Variants in STAP1 observed in about 807,000 individuals in gnomAD.
STAP1 encodes the protein signal transducing adaptor family member 1, also known as signal-transducing adaptor protein 1.
In STAP1, 30 loss-of-function variants were observed where a neutral mutation model predicts 37.8. The observed-to-expected ratio is 0.79, with a 90% CI of 0.59 to 1.08. STAP1 has a LOEUF of 1.08. STAP1 is among the 50% of genes least tolerant of loss of function. The pLI, the probability that STAP1 is intolerant of heterozygous loss-of-function variation, is 0.00. For missense variants in STAP1, 357 were observed against 349.4 expected (o/e 1.02, Z -0.17); for synonymous variants, 130 against 116.0 (o/e 1.12, Z -0.78).
At chr4:67,606,198 C>T (rs1188671309) in intron 8 of STAP1, 98 bp from the exon 9 acceptor site, 6 of 906,370 alleles carry the variant, frequency 6.6e-6, no homozygotes, top group East Asian at 2.6e-5. Context: ...CAGCAATGTT[C>T]CACACACGAG....
At position 67,587,386 on chromosome 4, in the gene STAP1, T is replaced by C. The variant is rs189225774; in HGVS notation, c.660-3498T>C. Among the ~76,000 whole-genome samples, 3 of 152,322 alleles carry C rather than the reference T, an allele frequency of 2.0e-5. No individual in the cohort carries two copies. The East Asian group carries it at 5.8e-4, about 29-fold the overall frequency. On this transcript the variant is annotated intron_variant, in intron 6 of 8. Coordinates refer to ENST00000265404, the MANE Select transcript of STAP1 (RefSeq NM_012108.4). ...ACAGAGCAGCTGTGGGAGGGAATAC[T>C]TGTTCTCAGGAATAAACAAAAGCCA...
intron 1 of STAP1, among the ~76,000 whole-genome samples, chr4:67,560,650 GTC>G (rs1491148838): frequency 0.012 from 1,869 of 150,820 alleles, 21 homozygotes; most frequent in African/African-American, 0.022. Context: ...GTGGGTGTGT[GTC>G]TGTGTGTGTG....
intron 6 of STAP1, among the ~76,000 whole-genome samples, chr4:67,587,242 G>A (rs915069788): frequency 6.6e-6 from 1 of 152,166 alleles, no homozygotes; most frequent in Non-Finnish European, 1.5e-5. Flanking sequence ...TCTCTTATAG[G>A]TTATGGGAGA....
chr4:67,569,604 CTTTAT>C (rs1560456956), intron 1 of STAP1, among the ~76,000 whole-genome samples: 1 of 151,568 alleles, frequency 6.6e-6, no homozygotes, highest in Non-Finnish European at 1.5e-5. Context: ...TTTTAAAATT[CTTTAT>C]TTTATTTTTT....
intron 2 of STAP1, among the ~76,000 whole-genome samples, chr4:67,573,711 C>T (rs899607093): frequency 6.6e-6 from 1 of 151,994 alleles, no homozygotes; most frequent in Non-Finnish European, 1.5e-5. Flanking sequence ...TAGGCCAACT[C>T]GAACTTTCTC....
In STAP1 at chr4:67,606,370, A is replaced by G; in HGVS notation, c.*13A>G. 1.2e-6 allele frequency: 2 copies of G among 1,603,868 alleles called. No homozygotes were observed. The highest frequency in any genetic ancestry group is 1.7e-6 in the Non-Finnish European group (2 of 1,175,004). ...ACACATTGCATGAAATACAATGTGA[A>G]AGCTCCTTTGTATATCTTGGTAATT... On this transcript the variant is annotated 3_prime_UTR_variant, in exon 9 of 9. Coordinates refer to ENST00000265404, the MANE Select transcript of STAP1 (RefSeq NM_012108.4).
At chr4:67,597,500 C>T (rs944588726) in intron 8 of STAP1, among the ~76,000 whole-genome samples, 2 of 152,278 alleles carry the variant, frequency 1.3e-5, no homozygotes, top group East Asian at 1.9e-4. Context: ...TCCTCCAGAA[C>T]CCAGAATGGT....
intron 8 of STAP1, among the ~76,000 whole-genome samples, chr4:67,597,343 G>A (rs1243330420): frequency 6.6e-6 from 1 of 152,234 alleles, no homozygotes; most frequent in East Asian, 1.9e-4. Context: ...GAAAATGCCT[G>A]GATGTCCAGC....
chr4:67,580,570 C>T (rs1200815149), intron 4 of STAP1, among the ~76,000 whole-genome samples: 1 of 152,144 alleles, frequency 6.6e-6, no homozygotes, highest in Non-Finnish European at 1.5e-5. Context: ...AAGGCTGCCT[C>T]CAAATAAAGA....
Position 67,596,710 on chromosome 4 carries a change from G to T in STAP1, c.826+3354G>T, listed in dbSNP as rs368512552. 6.6e-5 allele frequency among the ~76,000 whole-genome samples: 10 copies of T among 152,330 alleles called. No individual in the cohort carries two copies. The East Asian group carries it at 1.5e-3, about 24-fold the overall frequency. ...TTGTGGCATTTTGCCCCATCCTAGA[G>T]ATCTGTGGAATTTTGAACGTGAGAG... On this transcript the variant is annotated intron_variant, in intron 8 of 8. Coordinates refer to ENST00000265404, the MANE Select transcript of STAP1 (RefSeq NM_012108.4).
chr4:67,606,221 C>G (rs1190171812), intron 8 of STAP1, 75 bp from the exon 9 acceptor site: 38 of 1,240,956 alleles, frequency 3.1e-5, no homozygotes, highest in Non-Finnish European at 4.1e-5. Flanking sequence ...GGAAAATCAA[C>G]TCACTGAAAA....
chr4:67,587,449 T>C lies in STAP1; in HGVS notation c.660-3435T>C, dbSNP rs565174670. ...TTACCAGATGACTCTTGTCTCAATG[T>C]AGACTATCATCCACCTTTACCTAGC... On this transcript the variant is annotated intron_variant, in intron 6 of 8. Coordinates refer to ENST00000265404, the MANE Select transcript of STAP1 (RefSeq NM_012108.4). Among the ~76,000 whole-genome samples, 7 of 152,352 alleles carry C rather than the reference T, an allele frequency of 4.6e-5. No individual in the cohort carries two copies. In the South Asian group the frequency reaches 1.4e-3, roughly 32 times the overall value.
intron 8 of STAP1, among the ~76,000 whole-genome samples, chr4:67,596,531 T>C (rs1728226827): frequency 6.6e-6 from 1 of 152,120 alleles, no homozygotes; most frequent in Admixed American, 6.5e-5. Flanking sequence ...TGTGGGAAAG[T>C]TTGGAACTTT....
intron 6 of STAP1, among the ~76,000 whole-genome samples, chr4:67,587,794 C>T (rs1245368545): frequency 6.7e-6 from 1 of 148,728 alleles, no homozygotes; most frequent in Non-Finnish European, 1.5e-5. Flanking sequence ...GATCTCAGCT[C>T]ACCACAACTT....
chr4:67,592,428 C>T (rs1350469426), intron 7 of STAP1, among the ~76,000 whole-genome samples: 1 of 152,120 alleles, frequency 6.6e-6, no homozygotes, highest in Non-Finnish European at 1.5e-5. Flanking sequence ...CAATAAAATA[C>T]TAAAATGCTT....
intron 3 of STAP1, among the ~76,000 whole-genome samples, chr4:67,576,254 C>T (rs1727717959): frequency 6.6e-6 from 1 of 152,146 alleles, no homozygotes; most frequent in Admixed American, 6.5e-5. Flanking sequence ...ATCTCTCTTA[C>T]CCTGCTGTAC....
chr4:67,580,816 G>T (rs1578028372), intron 4 of STAP1, among the ~76,000 whole-genome samples: 2 of 152,152 alleles, frequency 1.3e-5, no homozygotes, highest in East Asian at 3.8e-4. Context: ...ACACACCACA[G>T]ACGCAAAATT....
intron 6 of STAP1, among the ~76,000 whole-genome samples, chr4:67,585,687 A>T (rs1024916051): frequency 2.6e-5 from 4 of 152,226 alleles, no homozygotes; most frequent in Non-Finnish European, 5.9e-5. Flanking sequence ...AAAATAATAG[A>T]TTTTTCAATT....
At chr4:67,577,120 G>C (rs577467389) in intron 3 of STAP1, 83 bp from the exon 4 acceptor site, 2 of 1,221,578 alleles carry the variant, frequency 1.6e-6, no homozygotes, top group East Asian at 2.4e-5. Context: ...TATTTTTTAG[G>C]CTCAGTCATA....
Sources: allele counts gnomAD v4.1 joint callset (sites outside exome capture counted in the v4.1 genomes callset), GRCh38; gene constraint gnomAD v4.1.1; transcripts MANE v1.5; gene names NCBI Gene and HGNC (gene_info 2026-07-23, HGNC 2026-07-21).